Variants in VAT1L observed in about 807,000 individuals in gnomAD.
The protein encoded by VAT1L is putative NADPH-dependent quinone oxidoreductase VAT1L.
In VAT1L, 34 loss-of-function variants were observed where a neutral mutation model predicts 44.1. The ratio of observed to expected loss-of-function variants is 0.77; its 90% confidence interval spans 0.59 to 1.03. The LOEUF (loss-of-function observed/expected upper bound fraction) is 1.03, where lower values mean the gene tolerates loss of function less well. Ranked by LOEUF, VAT1L falls within the 50% of genes least tolerant of loss-of-function variation. The probability of loss-of-function intolerance (pLI) is 0.00; values close to 1 mark genes in which losing one functional copy is unlikely to be tolerated. For missense variants in VAT1L, 615 were observed against 538.8 expected, an observed-to-expected ratio of 1.14 and a Z score of -1.40; for synonymous variants, 253 against 202.2, an observed-to-expected ratio of 1.25 and a Z score of -2.13.
At chr16:77,794,254 TG>T (rs2015887837) in intron 1 of VAT1L, among the ~76,000 whole-genome samples, 1 of 152,158 alleles carries the variant, frequency 6.6e-6, no homozygotes, top group South Asian at 2.1e-4. Flanking sequence ...GAAATACAAC[TG>T]CTAAGATTCA....
chr16:77,932,306 C>G (rs1057016099), intron 7 of VAT1L, among the ~76,000 whole-genome samples: 1 of 151,868 alleles, frequency 6.6e-6, no homozygotes, highest in African/African-American at 2.4e-5. Context: ...GGGGTTTCAC[C>G]GTGTTAGCCA....
chr16:77,825,863 A>AT (rs911347758), intron 3 of VAT1L, among the ~76,000 whole-genome samples: 38 of 150,164 alleles, frequency 2.5e-4, no homozygotes, highest in Admixed American at 4.6e-4. Context: ...AAAAATAAAA[A>AT]AAAAAAAAAA....
At chr16:77,893,969 G>A (rs2017295245) in intron 7 of VAT1L, among the ~76,000 whole-genome samples, 1 of 152,270 alleles carries the variant, frequency 6.6e-6, no homozygotes, top group East Asian at 1.9e-4. Context: ...ATTACCCCTA[G>A]TGGTGATAAT....
rs2018364790 is a variant in VAT1L at position 77,978,465 on chromosome 16, G to A, written c.*770G>A. 1 of 152,188 alleles carries A rather than the reference G, an allele frequency of 6.6e-6. No homozygotes were observed. Among genetic ancestry groups the A allele is most frequent in the African/African-American group, 2.4e-5 (1 of 41,438 alleles). The allele number at this position is 152,188 out of a possible 1,614,324, so 9.4% of individuals were successfully genotyped here. A position where few individuals can be genotyped will look rare whatever the true frequency, so the allele number is the denominator to read the frequency against. Reference sequence around the variant, plus strand: ...CCATATCTGTTTCAATTTTAAGAAAGCACCACATACAAGACACATTCAGAA... The same window carrying A: ...CCATATCTGTTTCAATTTTAAGAAAACACCACATACAAGACACATTCAGAA... On this transcript the variant is annotated 3_prime_UTR_variant, in exon 9 of 9. Coordinates refer to ENST00000302536, the MANE Select transcript of VAT1L (RefSeq NM_020927.3).
chr16:77,921,569 C>G (rs2017612375), intron 7 of VAT1L, among the ~76,000 whole-genome samples: 2 of 152,152 alleles, frequency 1.3e-5, no homozygotes, highest in Admixed American at 1.3e-4. Context: ...TCCTGTAAAC[C>G]TATGCAGGAC....
intron 7 of VAT1L, among the ~76,000 whole-genome samples, chr16:77,936,779 G>T (rs906354011): frequency 6.6e-6 from 1 of 152,180 alleles, no homozygotes; most frequent in African/African-American, 2.4e-5. Context: ...AGAGGAAGGA[G>T]AGGGAGGAAG....
At chr16:77,839,599 T>C (rs534478583) in intron 3 of VAT1L, among the ~76,000 whole-genome samples, 10,039 of 140,642 alleles carry the variant, frequency 0.071, 467 homozygotes, top group Non-Finnish European at 0.11. Context: ...GACCTGGGCA[T>C]TTGACAAACT....
intron 7 of VAT1L, among the ~76,000 whole-genome samples, chr16:77,969,732 G>A (rs905685922): frequency 2.6e-5 from 4 of 152,010 alleles, no homozygotes; most frequent in African/African-American, 9.7e-5. Flanking sequence ...TGAGTACCAG[G>A]CAATGGGGAT....
intron 7 of VAT1L, among the ~76,000 whole-genome samples, chr16:77,904,807 A>T (rs2017422525): frequency 6.6e-6 from 1 of 151,976 alleles, no homozygotes. Flanking sequence ...TTCCTTCCTT[A>T]ATCCATATTT....
intron 6 of VAT1L, among the ~76,000 whole-genome samples, chr16:77,881,219 G>A (rs895882099): frequency 7.9e-5 from 12 of 152,096 alleles, no homozygotes; most frequent in Non-Finnish European, 1.8e-4. Flanking sequence ...CTCTACTTTT[G>A]GACTTCTATG....
intron 7 of VAT1L, among the ~76,000 whole-genome samples, chr16:77,955,190 A>G (rs1021086572): frequency 1.3e-5 from 2 of 152,154 alleles, no homozygotes; most frequent in African/African-American, 4.8e-5. Context: ...ATGGGAGGGG[A>G]GAGATATAGA....
chr16:77,862,799 G>A lies in VAT1L; in HGVS notation c.631G>A (p.Gly211Arg), dbSNP rs751864564. ...CSTVPNVTVF[G>R]TASTFKHEAI... The stretch of plus-strand genomic sequence containing the variant: ...CACTGTCCCCAACGTGACTGTCTTT[G>A]GAACAGCCTCTACTTTCAAGCATGA... Residue 211 changes from glycine (G) to arginine (R), a missense_variant, in exon 4 of 9, where the codon GGA (glycine) becomes AGA (arginine). Transcript: ENST00000302536. 3 of 1,614,004 alleles carry A rather than the reference G, an allele frequency of 1.9e-6. No homozygotes were observed. Among genetic ancestry groups the A allele is most frequent in the African/African-American group, 1.3e-5 (1 of 74,992 alleles).
At chr16:77,893,017 G>T in intron 7 of VAT1L, 1 of 599,180 alleles carries the variant, frequency 1.7e-6, no homozygotes, top group Non-Finnish European at 3.0e-6. Flanking sequence ...TCATCTTTGT[G>T]CGCTCGCTGC....
At chr16:77,966,255 G>A (rs751754282) in intron 7 of VAT1L, among the ~76,000 whole-genome samples, 1 of 152,162 alleles carries the variant, frequency 6.6e-6, no homozygotes, top group Admixed American at 6.5e-5. Context: ...GGAGAGGAGA[G>A]GCTGATGTGT....
chr16:77,930,972 T>C (rs2017725153), intron 7 of VAT1L, among the ~76,000 whole-genome samples: 1 of 152,214 alleles, frequency 6.6e-6, no homozygotes, highest in African/African-American at 2.4e-5. Context: ...TTTTATCTCA[T>C]TTAAACCTCA....
In VAT1L at chr16:77,792,028, T is replaced by C. The variant is rs139328907; in HGVS notation, c.233+3113T>C. ...CTTAAGCCTCATCTCTTCCTATCCA[T>C]ATGCCCCTGGGGGATGTGTCTCAGT... is the stretch of plus-strand genomic sequence containing the variant. On this transcript the variant is annotated intron_variant, in intron 1 of 8. Coordinates refer to ENST00000302536, the MANE Select transcript of VAT1L (RefSeq NM_020927.3). 7.2e-5 allele frequency among the ~76,000 whole-genome samples: 11 copies of C among 152,302 alleles called. 2 individuals are homozygous for C. The highest frequency in any genetic ancestry group is 2.6e-4 in the African/African-American group (11 of 41,572).
intron 7 of VAT1L, among the ~76,000 whole-genome samples, chr16:77,935,172 A>G (rs1219207841): frequency 1.3e-5 from 2 of 152,216 alleles, no homozygotes; most frequent in African/African-American, 4.8e-5. Context: ...CATCTCTGAA[A>G]AAAATAGTAA....
chr16:77,802,504 A>G (rs1189600461), intron 1 of VAT1L, among the ~76,000 whole-genome samples: 1 of 151,908 alleles, frequency 6.6e-6, no homozygotes, highest in Non-Finnish European at 1.5e-5. Flanking sequence ...AATCCCAGCT[A>G]CTCGGGAGGC....
intron 7 of VAT1L, among the ~76,000 whole-genome samples, chr16:77,939,694 A>G (rs1248309597): frequency 1.3e-5 from 2 of 152,210 alleles, no homozygotes; most frequent in African/African-American, 4.8e-5. Context: ...TTGGAATAAA[A>G]TAGACAGTAG....
Sources: allele counts gnomAD v4.1 joint callset (sites outside exome capture counted in the v4.1 genomes callset), GRCh38; gene constraint gnomAD v4.1.1; transcripts MANE v1.5; gene names NCBI Gene and HGNC (gene_info 2026-07-23, HGNC 2026-07-21).